Variants in CACNA1F observed in about 807,000 individuals in gnomAD.
CACNA1F encodes voltage-dependent L-type calcium channel subunit alpha-1F.
CACNA1F carries 59 observed loss-of-function variants against 143.8 expected under a neutral mutation model. The ratio of observed to expected loss-of-function variants is 0.41; its 90% CI spans 0.33 to 0.51. CACNA1F has a LOEUF of 0.51. CACNA1F is among the 20% of genes least tolerant of loss of function. CACNA1F has a pLI of 0.22. For missense variants in CACNA1F, 1,411 were observed against 1,647.5 expected, an observed-to-expected ratio of 0.86 and a Z score of 2.48; for synonymous variants, 643 against 649.1, an observed-to-expected ratio of 0.99 and a Z score of 0.14.
Position 49,231,805 on chromosome X carries a change from G to C in CACNA1F, c.148C>G (p.Arg50Gly). Reference sequence around the variant, plus strand: ...TTGTGCTTGCTGTGCTGGTTTCTTCGCTTAGGGGTCCCTAGGCCTGATGCC... The same window carrying C: ...TTGTGCTTGCTGTGCTGGTTTCTTCCCTTAGGGGTCCCTAGGCCTGATGCC... ...SGASGLGTPKRRNQHSKHKTV... is the reference protein window; with the variant it reads ...SGASGLGTPKGRNQHSKHKTV... Residue 50 changes from arginine (R) to glycine (G), a missense_variant, in exon 2 of 48, where the codon CGA becomes GGA. Transcript: ENST00000323022. 1 of 1,209,204 alleles carries C rather than the reference G, an allele frequency of 8.3e-7. No homozygotes were observed. Among genetic ancestry groups the C allele is most frequent in the Non-Finnish European group, 1.1e-6 (1 of 894,127 alleles).
Position 49,213,911 on chromosome X carries a change from A to G in CACNA1F, c.3709-9T>C, listed in dbSNP as rs373473291. On this transcript the variant is annotated splice_polypyrimidine_tract_variant and intron_variant, in intron 30 of 47. Transcript: ENST00000323022. The stretch of plus-strand genomic sequence containing the variant: ...GCATCAGTGAAGTAATGCTGCAAGT[A>G]GGAGAAAAGCAGTGCCCTGTCTTCT... 5.2e-6 allele frequency: 6 copies of G among 1,163,543 alleles called. No homozygotes were observed. Among genetic ancestry groups the G allele is most frequent in the Non-Finnish European group, 7.0e-6 (6 of 855,380 alleles).
intron 6 of CACNA1F, among the ~76,000 whole-genome samples, chrX:49,228,809 C>T (rs1176260568): frequency 8.9e-6 from 1 of 112,310 alleles, no homozygotes; most frequent in Non-Finnish European, 1.9e-5. Context: ...CCTTGTGATC[C>T]GCCCGCCTCG....
chrX:49,224,232 G>T (rs1403105743), intron 14 of CACNA1F, among the ~76,000 whole-genome samples: 1 of 110,848 alleles, frequency 9.0e-6, no homozygotes, highest in East Asian at 2.8e-4. Context: ...TTGAAGATAG[G>T]GTGATGGTTA....
intron 8 of CACNA1F, 124 bp from the exon 9 acceptor site, chrX:49,227,251 C>T: frequency 1.8e-6 from 1 of 551,654 alleles, no homozygotes; most frequent in Non-Finnish European, 3.1e-6. Context: ...GCCTCAGGGC[C>T]TTTGCACTGA....
At chrX:49,222,859 T>C (rs958463866) in intron 15 of CACNA1F, 21 bp from the exon 16 acceptor site, 40 of 1,209,007 alleles carry the variant, frequency 3.3e-5, no homozygotes, top group Non-Finnish European at 4.1e-5. Context: ...GAAGTCACTG[T>C]GGAGCTCTTG....
chrX:49,227,079 C>T lies in CACNA1F; in HGVS notation c.1167G>A (p.Gln389=), dbSNP rs782609777. 4.2e-6 allele frequency: 5 copies of T among 1,201,811 alleles called. No individual in the cohort carries two copies. Among genetic ancestry groups the T allele is most frequent in the Non-Finnish European group, 5.6e-6 (5 of 890,481 alleles). The change falls in exon 9 of 48, where the codon CAG becomes CAA. Residue 389 remains glutamine, a synonymous_variant. Transcript: ENST00000323022. The stretch of plus-strand genomic sequence containing the variant: ...CCATCTGCTGCTTCTCCCGCTGCTT[C>T]TGGAAGTCCCCGCGAGCTTTCGCTT... ...REKAKARGDF[Q]KQREKQQMEE...
In CACNA1F at chrX:49,228,426, G is replaced by A; in HGVS notation, c.839C>T (p.Pro280Leu). The change falls in exon 7 of 48, where the codon CCA (proline) becomes CTA (leucine). Residue 280 changes from proline to leucine, a missense_variant. Physicochemically the swap from Pro to Leu is moderately conservative, Grantham distance 98. Transcript: ENST00000323022. Reference sequence around the variant, plus strand: ...TGATCCCGAAGACGCACAGGGCGATGGGTCCTCCTCCGCTTCCATGTCTGC... The same window carrying A: ...TGATCCCGAAGACGCACAGGGCGATAGGTCCTCCTCCGCTTCCATGTCTGC... ...LGSDMEAEED[P>L]SPCASSGSGR... 8.3e-7 allele frequency: 1 copy of A among 1,206,395 alleles called. No homozygotes were observed. The highest frequency in any genetic ancestry group is 1.1e-6 in the Non-Finnish European group (1 of 892,249).
Position 49,206,990 on chromosome X carries a change from G to T in CACNA1F, c.5231+15C>A. 8.7e-7 allele frequency: 1 copy of T among 1,151,797 alleles called. No individual in the cohort carries two copies. The highest frequency in any genetic ancestry group is 1.8e-5 in the African/African-American group (1 of 56,715). 94.9% of individuals were successfully genotyped at this position (1,151,797 alleles called of 1,213,427 possible). On this transcript the variant is annotated intron_variant, in intron 44 of 47. Transcript: ENST00000323022. ...CCAGCTCATGGGTTCATCCCATGTG[G>T]CATGGCCAGTGTACCGATCAGGGAC...
intron 22 of CACNA1F, 61 bp downstream of exon 22, chrX:49,218,821 C>T: frequency 9.1e-7 from 1 of 1,098,666 alleles, no homozygotes. Context: ...AGGTGGGCTG[C>T]AAGAACCGGT....
intron 1 of CACNA1F, 70 bp downstream of exon 1, chrX:49,233,208 GTCTGGGT>G: frequency 9.6e-7 from 1 of 1,042,698 alleles, no homozygotes; most frequent in Non-Finnish European, 1.3e-6. Context: ...TGGGGGTGGG[GTCTGGGT>G]GGGCAATGGG....
intron 43 of CACNA1F, 99 bp downstream of exon 43, chrX:49,208,416 C>G (rs2065620530): frequency 3.3e-5 from 9 of 268,811 alleles, no homozygotes; most frequent in East Asian, 2.1e-4. Context: ...TCTAGGCCCT[C>G]CCTCCCACCC....
In CACNA1F at chrX:49,211,229, C is replaced by T. The variant is rs781930300; in HGVS notation, c.4260+93G>A. On this transcript the variant is annotated intron_variant, in intron 36 of 47. Transcript: ENST00000323022. Reference sequence around the variant, plus strand: ...GTCATCAGACCAGCCCTCTCACCCACTATGAAGATCTGGGCTGCCCACGTC... The same window carrying T: ...GTCATCAGACCAGCCCTCTCACCCATTATGAAGATCTGGGCTGCCCACGTC... 777 of 1,113,383 alleles carry T rather than the reference C, an allele frequency of 7.0e-4. 1 individual carries two copies. Among genetic ancestry groups the T allele is most frequent in the Non-Finnish European group, 9.1e-4 (737 of 809,650 alleles). The allele number at this position is 1,113,383 out of a possible 1,213,427, so 91.8% of individuals were successfully genotyped here. A position where few individuals can be genotyped will look rare whatever the true frequency, so the allele number is the denominator to read the frequency against.
intron 36 of CACNA1F, 88 bp from the exon 37 acceptor site, chrX:49,211,180 G>C: frequency 9.0e-7 from 1 of 1,110,116 alleles, no homozygotes. Context: ...GGCTTATATG[G>C]TCATGAGTCT....
intron 37 of CACNA1F, 85 bp from the exon 38 acceptor site, chrX:49,210,771 T>C: frequency 1.1e-6 from 1 of 893,410 alleles, no homozygotes; most frequent in Non-Finnish European, 1.6e-6. Flanking sequence ...CACTACCTCC[T>C]CCTACCAATA....
chrX:49,209,165 G>C (rs781985404), intron 42 of CACNA1F, 97 bp downstream of exon 42: 21 of 1,043,958 alleles, frequency 2.0e-5, no homozygotes, highest in Admixed American at 1.8e-4. Context: ...GGGCTTCTCT[G>C]GGGGAGCTTC....
Position 49,216,483 on chromosome X carries a change from C to T in CACNA1F, c.3135G>A (p.Leu1045=), listed in dbSNP as rs782786112. The T allele has an allele frequency of 1.7e-6, 2 of 1,204,594 alleles. No homozygotes were observed. The highest frequency in any genetic ancestry group is 3.5e-5 in the African/African-American group (2 of 57,237). The change falls in exon 27 of 48, where the codon CTG becomes CTA. Residue 1045 remains leucine, a synonymous_variant. Transcript: ENST00000323022. ...TGTTGACCCAGAGCCGCTCCCGGAC[C>T]AGGGGCCGTGACACGTCTCCATCTG... The part of the protein sequence containing the change: ...VYPDGDVSRP[L]VRERLWVNSD...
chrX:49,215,407 C>T lies in CACNA1F; in HGVS notation c.3373G>A (p.Val1125Ile), dbSNP rs782039374. ...CCCTGGGCACGGAAAGTGATGATGA[C>T]GAAGCCCACGAAGATGTTCATCATG... is the stretch of plus-strand genomic sequence containing the variant. ...FFMMNIFVGFVIITFRAQGEQ... is the reference protein window; with the variant it reads ...FFMMNIFVGFIIITFRAQGEQ... The change falls in exon 28 of 48, where the codon GTC becomes ATC. Residue 1125 changes from valine to isoleucine, a missense_variant. Transcript: ENST00000323022. The T allele has an allele frequency of 2.4e-5, 29 of 1,209,242 alleles. No homozygotes were observed. Among genetic ancestry groups the T allele is most frequent in the Middle Eastern group, 2.3e-4 (1 of 4,350 alleles).
Position 49,223,431 on chromosome X carries a change from C to T in CACNA1F, c.1878-295G>A, listed in dbSNP as rs183781151. Among the ~76,000 whole-genome samples, 13 of 106,284 alleles carry T rather than the reference C, an allele frequency of 1.2e-4. No homozygotes were observed. The East Asian group carries it at 1.8e-3, about 15-fold the overall frequency. The allele number at this position is 106,284 out of a possible 115,157, so 92.3% of individuals were successfully genotyped here. On this transcript the variant is annotated intron_variant, in intron 14 of 47. Coordinates refer to ENST00000323022, the MANE Select transcript of CACNA1F (RefSeq NM_001256789.3). ...CATCCTGGCTAACACGGTGAAACCC[C>T]GTCTCTACTAAAAAAAAATTAGCCA... is the stretch of plus-strand genomic sequence containing the variant.
chrX:49,211,754 C>G lies in CACNA1F; in HGVS notation c.4100+144G>C, dbSNP rs782450092. ...TGAGGCTAGAATACTCTAACAGACT[C>G]CTCACATCATAGCCAGGAAACATCT... On this transcript the variant is annotated intron_variant, in intron 35 of 47. Coordinates refer to ENST00000323022, the MANE Select transcript of CACNA1F (RefSeq NM_001256789.3). The G allele has an allele frequency of 5.3e-5, 29 of 546,534 alleles. No individual in the cohort carries two copies. The East Asian group carries it at 1.0e-3, about 19-fold the overall frequency. 45.0% of individuals were successfully genotyped at this position (546,534 alleles called of 1,213,427 possible). A position where few individuals can be genotyped will look rare whatever the true frequency, so the allele number is the denominator to read the frequency against.
Sources: allele counts gnomAD v4.1 joint callset (sites outside exome capture counted in the v4.1 genomes callset), GRCh38; gene constraint gnomAD v4.1.1; transcripts MANE v1.5; gene names NCBI Gene and HGNC (gene_info 2026-07-23, HGNC 2026-07-21).